The following TINAG variants were observed in gnomAD, a reference collection of about 807,000 sequenced individuals.
The protein encoded by TINAG is tubulointerstitial nephritis antigen.
Under a neutral mutation model 72.7 loss-of-function variants are expected in TINAG, and 83 were observed. That is an observed-to-expected ratio of 1.14 (90% confidence interval 0.96 to 1.37). TINAG has a LOEUF of 1.37. TINAG is among the 40% of genes most tolerant of loss of function. The probability of loss-of-function intolerance (pLI) is 0.00; values close to 1 mark genes in which losing one functional copy is unlikely to be tolerated. For missense variants in TINAG, 685 were observed against 576.6 expected (o/e 1.19, Z -1.93); for synonymous variants, 234 against 189.9 (o/e 1.23, Z -1.91).
intron 4 of TINAG, among the ~76,000 whole-genome samples, chr6:54,341,452 C>T (rs546491277): frequency 2.6e-5 from 4 of 152,214 alleles, no homozygotes; most frequent in African/African-American, 9.6e-5. Context: ...CAATGATCTG[C>T]TTGATGTTTT....
intron 3 of TINAG, among the ~76,000 whole-genome samples, chr6:54,325,178 A>T (rs1257438901): frequency 6.6e-6 from 1 of 151,916 alleles, no homozygotes. Context: ...AAATTTGCCA[A>T]CTCCTTCAGT....
intron 4 of TINAG, 72 bp downstream of exon 4, chr6:54,326,988 T>C (rs1171300322): frequency 1.9e-6 from 3 of 1,593,246 alleles, no homozygotes; most frequent in Middle Eastern, 1.7e-4. Context: ...TTAAAAGCAA[T>C]TATAAATCAC....
intron 4 of TINAG, among the ~76,000 whole-genome samples, chr6:54,327,443 G>A (rs982178360): frequency 2.0e-5 from 3 of 152,174 alleles, no homozygotes; most frequent in Non-Finnish European, 4.4e-5. Context: ...TTTTCCCATG[G>A]TCTTCGCAAT....
chr6:54,348,539 T>A (rs1785182603), intron 6 of TINAG, among the ~76,000 whole-genome samples: 1 of 152,112 alleles, frequency 6.6e-6, no homozygotes, highest in South Asian at 2.1e-4. Flanking sequence ...GATTTGGTTC[T>A]TGGTGAGGGC....
intron 7 of TINAG, 93 bp from the exon 8 acceptor site, chr6:54,351,259 A>G: frequency 9.1e-7 from 1 of 1,096,618 alleles, no homozygotes; most frequent in Admixed American, 2.2e-5. Flanking sequence ...TACAATTGAG[A>G]GTAAATTGCA....
rs146838245 is a variant in TINAG at position 54,376,688 on chromosome 6, A to T, written c.1251-3838A>T. Among the ~76,000 whole-genome samples the T allele has an allele frequency of 2.7e-3, 418 of 152,296 alleles. 3 individuals are homozygous for T. Among genetic ancestry groups the T allele is most frequent in the African/African-American group, 9.3e-3 (388 of 41,576 alleles). On this transcript the variant is annotated intron_variant, in intron 9 of 10. Coordinates refer to ENST00000259782, the MANE Select transcript of TINAG (RefSeq NM_014464.4). ...AATATCCCTTTTAAAAGGAACATGC[A>T]TGGAAATATTAATAACCTTAGAAGT...
chr6:54,373,332 G>A (rs972927311), intron 9 of TINAG, among the ~76,000 whole-genome samples: 2 of 152,010 alleles, frequency 1.3e-5, no homozygotes, highest in African/African-American at 4.8e-5. Flanking sequence ...TACATTATTT[G>A]ATGCTCTTCT....
At chr6:54,309,253 C>A (rs777208316) in intron 1 of TINAG, among the ~76,000 whole-genome samples, 1 of 152,074 alleles carries the variant, frequency 6.6e-6, no homozygotes, top group Non-Finnish European at 1.5e-5. Flanking sequence ...GTTTCTCAAG[C>A]CTTTTTGTGT....
At chr6:54,385,221 G>A (rs546630680) in intron 10 of TINAG, among the ~76,000 whole-genome samples, 1 of 152,036 alleles carries the variant, frequency 6.6e-6, no homozygotes, top group African/African-American at 2.4e-5. Context: ...AAAAAGCAAA[G>A]AGTTGATGCT....
At chr6:54,350,103 C>T (rs765601156) in intron 7 of TINAG, among the ~76,000 whole-genome samples, 1 of 151,862 alleles carries the variant, frequency 6.6e-6, no homozygotes, top group African/African-American at 2.4e-5. Context: ...AAAGGACTGA[C>T]TTAAATTTTA....
At chr6:54,344,493 A>G (rs1043461241) in intron 5 of TINAG, among the ~76,000 whole-genome samples, 3 of 152,176 alleles carry the variant, frequency 2.0e-5, no homozygotes, top group African/African-American at 4.8e-5. Context: ...AAGAAGATTA[A>G]GGTTGTTTCA....
chr6:54,318,371 AT>A (rs1169051504), intron 1 of TINAG, among the ~76,000 whole-genome samples: 1 of 152,080 alleles, frequency 6.6e-6, no homozygotes, highest in Non-Finnish European at 1.5e-5. Flanking sequence ...TAGCTGTACC[AT>A]TTCTTTATTA....
intron 9 of TINAG, among the ~76,000 whole-genome samples, chr6:54,371,994 T>TTG (rs1431141426): frequency 7.1e-6 from 1 of 140,960 alleles, no homozygotes; most frequent in Non-Finnish European, 1.5e-5. Flanking sequence ...TTTTTTTTTT[T>TTG]TTTTTTTTTT....
intron 4 of TINAG, among the ~76,000 whole-genome samples, chr6:54,339,380 G>A (rs1004087176): frequency 1.6e-4 from 25 of 152,134 alleles, no homozygotes; most frequent in African/African-American, 6.0e-4. Flanking sequence ...CAACAGGACT[G>A]CTCTATGTCT....
rs144675249 is a variant in TINAG, at chr6:54,313,623, C to T, written c.355+4718C>T. Reference sequence around the variant, plus strand: ...TACAGCAGCTTCTTAAGAGTAAACACGGTGATTTACTTATCACGTACTAAT... The same window carrying T: ...TACAGCAGCTTCTTAAGAGTAAACATGGTGATTTACTTATCACGTACTAAT... On this transcript the variant is annotated intron_variant, in intron 1 of 10. Coordinates refer to ENST00000259782, the MANE Select transcript of TINAG (RefSeq NM_014464.4). 1.4e-3 allele frequency among the ~76,000 whole-genome samples: 214 copies of T among 152,120 alleles called. 1 individual carries two copies. In the East Asian group the frequency reaches 0.017, roughly 12 times the overall value.
intron 3 of TINAG, among the ~76,000 whole-genome samples, chr6:54,323,221 G>T (rs1319096733): frequency 1.3e-5 from 2 of 152,158 alleles, no homozygotes; most frequent in Non-Finnish European, 2.9e-5. Flanking sequence ...AGTAGAAAGT[G>T]AAGTATAATT....
chr6:54,387,560 G>A (rs1764131347), intron 10 of TINAG, among the ~76,000 whole-genome samples: 1 of 152,120 alleles, frequency 6.6e-6, no homozygotes, highest in Non-Finnish European at 1.5e-5. Flanking sequence ...GGATGGACAG[G>A]AAGGCAACAT....
chr6:54,324,996 A>G (rs1784571776), intron 3 of TINAG, among the ~76,000 whole-genome samples: 1 of 152,110 alleles, frequency 6.6e-6, no homozygotes, highest in Non-Finnish European at 1.5e-5. Context: ...CCTCTCTCCT[A>G]GTTTAAGCAT....
At chr6:54,318,532 T>C (rs1472178957) in intron 1 of TINAG, among the ~76,000 whole-genome samples, 5 of 152,166 alleles carry the variant, frequency 3.3e-5, no homozygotes, top group African/African-American at 1.2e-4. Flanking sequence ...TCCTTCATGC[T>C]TCTGGGAACC....
Sources: gnomAD v4.1 joint callset for allele counts (sites outside exome capture counted in the v4.1 genomes callset) on GRCh38, gnomAD v4.1.1 for gene constraint, MANE v1.5 for transcripts, NCBI Gene and HGNC (gene_info 2026-07-23, HGNC 2026-07-21) for gene names.